POLR1C: variants seen among roughly 807,000 people sequenced by gnomAD.
POLR1C encodes DNA-directed RNA polymerases I and III subunit RPAC1.
In POLR1C, 42 loss-of-function variants were observed where a neutral mutation model predicts 38.3. That is an observed-to-expected ratio of 1.10 (90% CI 0.86 to 1.42). POLR1C has a LOEUF of 1.42. Among genes scored for constraint, POLR1C ranks in the 40% most tolerant of loss-of-function variants. The probability of loss-of-function intolerance (pLI) is 0.00; values close to 1 mark genes in which losing one functional copy is unlikely to be tolerated. For synonymous variants in POLR1C, 163 were observed against 163.9 expected (o/e 0.99, Z 0.04); for missense variants, 507 against 450.5 (o/e 1.13, Z -1.14).
rs544352818 is a variant in POLR1C at position 43,540,473 on chromosome 6, C to T, written c.*5-10495C>T. On this transcript the variant is annotated intron_variant, in intron 9 of 10. Transcript: ENST00000607635. Reference sequence around the variant, plus strand: ...CAGCCTGGACGACAGAGCAAGACTCCGTCTCAAAATAAATAAATAAATAAA... The same window carrying T: ...CAGCCTGGACGACAGAGCAAGACTCTGTCTCAAAATAAATAAATAAATAAA... Among the ~76,000 whole-genome samples the T allele has an allele frequency of 2.6e-5, 4 of 151,596 alleles. 1 individual carries two copies. Among genetic ancestry groups the T allele is most frequent in the African/African-American group, 7.3e-5 (3 of 41,312 alleles).
intron 10 of POLR1C, chr6:43,560,036 C>A: frequency 9.5e-7 from 1 of 1,051,704 alleles, no homozygotes; most frequent in South Asian, 1.8e-5. Context: ...ACAGGCTGGT[C>A]TCCAACTCCT....
At chr6:43,561,208 CT>C (rs771907568) in intron 10 of POLR1C, among the ~76,000 whole-genome samples, 16 of 152,250 alleles carry the variant, frequency 1.1e-4, no homozygotes, top group Middle Eastern at 3.4e-3. Flanking sequence ...ATCATCATTA[CT>C]TTGCCTACTC....
At position 43,540,474 on chromosome 6, in the gene POLR1C, G is replaced by A. The variant is rs573922585; in HGVS notation, c.*5-10494G>A. 3.4e-4 allele frequency among the ~76,000 whole-genome samples: 52 copies of A among 151,486 alleles called. No homozygotes were observed. The South Asian group carries it at 8.8e-3, about 26-fold the overall frequency. On this transcript the variant is annotated intron_variant, in intron 9 of 10. Transcript: ENST00000607635. ...AGCCTGGACGACAGAGCAAGACTCC[G>A]TCTCAAAATAAATAAATAAATAAAC...
rs751500353 is a variant in POLR1C, at chr6:43,528,858, G to C, written c.923-391G>C. On this transcript the variant is annotated intron_variant, in intron 8 of 8. Coordinates refer to the POLR1C transcript ENST00000304004. ...GGAGGTAGGTGAAAAGAGGTCCGAGGATGGGGGATACCAGGGCTTCATAGT... is the reference window on the plus strand; with the variant it reads ...GGAGGTAGGTGAAAAGAGGTCCGAGCATGGGGGATACCAGGGCTTCATAGT... 6 of 1,613,832 alleles carry C rather than the reference G, an allele frequency of 3.7e-6. No individual in the cohort carries two copies. Among genetic ancestry groups the C allele is most frequent in the Non-Finnish European group, 4.2e-6 (5 of 1,179,882 alleles).
At chr6:43,540,257 A>C (rs1219893391) in intron 9 of POLR1C, among the ~76,000 whole-genome samples, 7 of 152,072 alleles carry the variant, frequency 4.6e-5, no homozygotes, top group Admixed American at 3.3e-4. Flanking sequence ...GGCCGGGCGG[A>C]TCACGAGGTC....
intron 9 of POLR1C, among the ~76,000 whole-genome samples, chr6:43,536,486 C>T (rs904343278): frequency 7.9e-5 from 12 of 151,104 alleles, no homozygotes; most frequent in Admixed American, 6.6e-4. Flanking sequence ...TGGCCAGATG[C>T]GGTGGCTTAT....
downstream of POLR1C, among the ~76,000 whole-genome samples, chr6:43,530,296 C>A (rs138903975): frequency 6.6e-6 from 1 of 151,840 alleles, no homozygotes; most frequent in Non-Finnish European, 1.5e-5. Context: ...TGATGGTGCA[C>A]ACCTGTAATC....
chr6:43,552,877 G>GGTA (rs1795316752), intron 10 of POLR1C, among the ~76,000 whole-genome samples: 1 of 152,158 alleles, frequency 6.6e-6, no homozygotes, highest in Non-Finnish European at 1.5e-5. Context: ...TACTAAATGT[G>GGTA]GTAGTGCTTA....
chr6:43,559,724 G>C (rs1020007120), intron 10 of POLR1C, among the ~76,000 whole-genome samples: 1 of 152,240 alleles, frequency 6.6e-6, no homozygotes. Flanking sequence ...ATAATAACCA[G>C]TAAGGACTGA....
At chr6:43,544,305 AG>A (rs1279308238) in intron 9 of POLR1C, 1 of 154,630 alleles carries the variant, frequency 6.5e-6, no homozygotes, top group Non-Finnish European at 1.4e-5. Context: ...TATAGAAAAT[AG>A]GAGTAGTAAA....
intron 9 of POLR1C, among the ~76,000 whole-genome samples, chr6:43,547,890 T>A (rs1795038515): frequency 6.6e-6 from 1 of 152,214 alleles, no homozygotes; most frequent in African/African-American, 2.4e-5. Context: ...CACTCCCAAA[T>A]ATTATTAGTA....
At chr6:43,532,597 T>TTA (rs1794051157), downstream of POLR1C, among the ~76,000 whole-genome samples, 1 of 152,196 alleles carries the variant, frequency 6.6e-6, no homozygotes, top group Non-Finnish European at 1.5e-5. Flanking sequence ...GCCTCAGATC[T>TTA]TATACCTGCC....
rs375688974 is a variant in POLR1C, at chr6:43,519,290, C to T, written c.142-43C>T. 47 of 1,199,694 alleles carry T rather than the reference C, an allele frequency of 3.9e-5. 1 individual carries two copies. The South Asian group carries it at 5.8e-4, about 15-fold the overall frequency. The allele number at this position is 1,199,694 out of a possible 1,614,324, so 74.3% of individuals were successfully genotyped here. ...GGGGGAGGTATGAAGAGATATTACACAGAGAGCAGATTTCACTTAAATGTT... is the reference window on the plus strand; with the variant it reads ...GGGGGAGGTATGAAGAGATATTACATAGAGAGCAGATTTCACTTAAATGTT... On this transcript the variant is annotated intron_variant, in intron 2 of 8. Transcript: ENST00000642195.
chr6:43,528,321 A>T, intron 8 of POLR1C: 1 of 1,058,712 alleles, frequency 9.4e-7, no homozygotes. Context: ...CTAGGCATCA[A>T]TGACAACTTC....
chr6:43,528,047 C>T, intron 8 of POLR1C: 1 of 1,122,692 alleles, frequency 8.9e-7, no homozygotes, highest in Non-Finnish European at 1.3e-6. Flanking sequence ...AGAATGACTA[C>T]AACCTACTGC....
intron 8 of POLR1C, 50 bp downstream of exon 8, chr6:43,521,098 C>G: frequency 6.3e-7 from 1 of 1,595,052 alleles, no homozygotes; most frequent in Non-Finnish European, 8.6e-7. Context: ...GGTGCTGCAG[C>G]TTCCTTCCAG....
At chr6:43,560,822 G>A in intron 10 of POLR1C, 1 of 983,252 alleles carries the variant, frequency 1.0e-6, no homozygotes. Flanking sequence ...AAGGCCTGAA[G>A]AGTCACATTT....
downstream of POLR1C, chr6:43,534,119 C>G (rs1794168190): frequency 1.4e-6 from 1 of 718,406 alleles, no homozygotes; most frequent in African/African-American, 1.8e-5. Flanking sequence ...CCCATCAACT[C>G]CTGGCAGGGG....
intron 2 of POLR1C, among the ~76,000 whole-genome samples, chr6:43,518,466 C>T (rs923607573): frequency 1.3e-5 from 2 of 152,138 alleles, no homozygotes; most frequent in Non-Finnish European, 2.9e-5. Flanking sequence ...AGAAATCTAG[C>T]AGGCTAGAAG....
Sources: gnomAD v4.1 joint callset for allele counts (sites outside exome capture counted in the v4.1 genomes callset) on GRCh38, gnomAD v4.1.1 for gene constraint, MANE v1.5 for transcripts, NCBI Gene and HGNC (gene_info 2026-07-23, HGNC 2026-07-21) for gene names.